The following DLG2 variants were observed in gnomAD, a reference collection of about 807,000 sequenced individuals.
DLG2 encodes the protein discs large MAGUK scaffold protein 2.
DLG2 carries 45 observed loss-of-function variants against 132.5 expected under a neutral mutation model. The observed-to-expected ratio is 0.34, with a 90% CI of 0.27 to 0.44. DLG2 has a LOEUF of 0.44. Ranked by LOEUF, DLG2 falls within the 20% of genes least tolerant of loss-of-function variation. The pLI is 1.00. For synonymous variants in DLG2, 424 were observed against 419.6 expected (o/e 1.01, Z -0.13); for missense variants, 1,045 against 1,196.9 (o/e 0.87, Z 1.87).
At chr11:84,515,444 A>G (rs1382834857) in intron 7 of DLG2, among the ~76,000 whole-genome samples, 2 of 151,796 alleles carry the variant, frequency 1.3e-5, no homozygotes, top group East Asian at 3.9e-4. Context: ...AATTACACAT[A>G]TATCAGATAA....
intron 25 of DLG2, 81 bp downstream of exon 25, chr11:83,469,120 A>T: frequency 9.5e-7 from 1 of 1,053,134 alleles, no homozygotes; most frequent in Non-Finnish European, 1.4e-6. Flanking sequence ...AAGAAAGAGT[A>T]ATGACCAAAA....
intron 4 of DLG2, among the ~76,000 whole-genome samples, chr11:85,261,827 C>T (rs539360963): frequency 3.3e-5 from 5 of 151,950 alleles, no homozygotes; most frequent in South Asian, 2.1e-4. Context: ...GATAAGGAGG[C>T]GGCCCTTAAA....
At chr11:84,446,271 A>C (rs1474429726) in intron 7 of DLG2, among the ~76,000 whole-genome samples, 1 of 151,176 alleles carries the variant, frequency 6.6e-6, no homozygotes, top group African/African-American at 2.4e-5. Flanking sequence ...TTTTATTATG[A>C]TTTTTCTTCC....
At position 84,733,995 on chromosome 11, in the gene DLG2, A is replaced by G. The variant is rs544625752; in HGVS notation, c.358-199264T>C. Among the ~76,000 whole-genome samples, 4 of 152,162 alleles carry G rather than the reference A, an allele frequency of 2.6e-5. No individual in the cohort carries two copies. The East Asian group carries it at 7.7e-4, about 29-fold the overall frequency. On this transcript the variant is annotated intron_variant, in intron 6 of 27. Coordinates refer to ENST00000376104, the MANE Select transcript of DLG2 (RefSeq NM_001142699.3). ...GGGCTCTGTTCTGTTCCATTGGCCTATATCTCTGTTTTGGTACCAGTACCA... is the reference window on the plus strand; with the variant it reads ...GGGCTCTGTTCTGTTCCATTGGCCTGTATCTCTGTTTTGGTACCAGTACCA...
intron 3 of DLG2, among the ~76,000 whole-genome samples, chr11:85,423,165 T>C (rs368466808): frequency 6.6e-6 from 1 of 152,330 alleles, no homozygotes; most frequent in South Asian, 2.1e-4. Context: ...CTTTTTCCTA[T>C]GGATGTGGCT....
At chr11:85,144,911 A>G (rs886915315) in intron 5 of DLG2, among the ~76,000 whole-genome samples, 6 of 152,048 alleles carry the variant, frequency 3.9e-5, no homozygotes, top group African/African-American at 1.4e-4. Context: ...TGCTGTTACC[A>G]GTGAGTTTTG....
At chr11:84,484,491 C>T (rs1289424400) in intron 7 of DLG2, among the ~76,000 whole-genome samples, 2 of 152,152 alleles carry the variant, frequency 1.3e-5, no homozygotes, top group Non-Finnish European at 2.9e-5. Flanking sequence ...TGAGGGTTAT[C>T]ATTTGGCTCC....
At chr11:84,079,805 CT>C (rs2154153808) in intron 10 of DLG2, among the ~76,000 whole-genome samples, 1 of 152,326 alleles carries the variant, frequency 6.6e-6, no homozygotes, top group East Asian at 1.9e-4. Flanking sequence ...CCACCTTCAC[CT>C]TGTGCCAGTC....
intron 18 of DLG2, among the ~76,000 whole-genome samples, chr11:83,708,425 C>T (rs11233722): frequency 0.33 from 50,190 of 152,020 alleles, 9,866 homozygotes; most frequent in African/African-American, 0.55. Flanking sequence ...GAGAAAGTAT[C>T]AGTAGCCCAA....
At chr11:84,484,032 A>G (rs934214549) in intron 7 of DLG2, among the ~76,000 whole-genome samples, 5 of 152,184 alleles carry the variant, frequency 3.3e-5, no homozygotes. Flanking sequence ...GAGGGACAGC[A>G]GGAGTCAGAC....
intron 5 of DLG2, among the ~76,000 whole-genome samples, chr11:85,123,589 G>T (rs746914303): frequency 1.3e-5 from 2 of 152,184 alleles, no homozygotes; most frequent in Non-Finnish European, 1.5e-5. Context: ...CAGAGTAGGA[G>T]AACTGTTTAT....
chr11:85,109,013 A>T (rs1477960888), intron 6 of DLG2, among the ~76,000 whole-genome samples: 2 of 152,038 alleles, frequency 1.3e-5, no homozygotes, highest in East Asian at 3.9e-4. Context: ...TTCAAAATTG[A>T]TGACTACCAG....
At chr11:83,544,015 G>T (rs1054423343) in intron 19 of DLG2, among the ~76,000 whole-genome samples, 1 of 152,102 alleles carries the variant, frequency 6.6e-6, no homozygotes, top group African/African-American at 2.4e-5. Context: ...TATGTGCTAG[G>T]CAGAGGCTGC....
chr11:85,360,638 A>G lies in DLG2; in HGVS notation c.41-75273T>C, dbSNP rs531565550. Among the ~76,000 whole-genome samples the G allele has an allele frequency of 5.9e-5, 9 of 152,160 alleles. No individual in the cohort carries two copies. The East Asian group carries it at 1.7e-3, about 29-fold the overall frequency. On this transcript the variant is annotated intron_variant, in intron 3 of 27. Coordinates refer to ENST00000376104, the MANE Select transcript of DLG2 (RefSeq NM_001142699.3). ...GAGTCTTATCTTTGACTTTTATCCC[A>G]CCACACAGGAGGCTCCTTCCAAATT...
chr11:84,805,818 C>G (rs940841350), intron 6 of DLG2, among the ~76,000 whole-genome samples: 2 of 152,004 alleles, frequency 1.3e-5, no homozygotes, highest in African/African-American at 2.4e-5. Context: ...AATAAATTAC[C>G]AAGTCTCAGG....
In DLG2 at chr11:83,983,590, C is replaced by T. The variant is rs76705955; in HGVS notation, c.920-2948G>A. ...GGAATTATATTTGAAATGCAATGAT[C>T]GTTAAATTAACCATAATAGTTGTTA... On this transcript the variant is annotated intron_variant, in intron 11 of 27. Coordinates refer to ENST00000376104, the MANE Select transcript of DLG2 (RefSeq NM_001142699.3). Among the ~76,000 whole-genome samples the T allele has an allele frequency of 4.9e-3, 751 of 151,956 alleles. 3 individuals are homozygous for T. Among genetic ancestry groups the T allele is most frequent in the African/African-American group, 0.018 (731 of 41,512 alleles).
At chr11:83,656,939 C>T (rs2072654484) in intron 18 of DLG2, among the ~76,000 whole-genome samples, 1 of 152,128 alleles carries the variant, frequency 6.6e-6, no homozygotes, top group Non-Finnish European at 1.5e-5. Context: ...GTTTTTCATA[C>T]TTCCAGGTCT....
chr11:84,154,229 C>A (rs956307637), intron 9 of DLG2, among the ~76,000 whole-genome samples: 1 of 152,182 alleles, frequency 6.6e-6, no homozygotes, highest in African/African-American at 2.4e-5. Context: ...AAATACTGAC[C>A]TCAAGTGATC....
At chr11:83,689,377 G>T (rs2080438909) in intron 18 of DLG2, among the ~76,000 whole-genome samples, 1 of 152,068 alleles carries the variant, frequency 6.6e-6, no homozygotes, top group African/African-American at 2.4e-5. Context: ...AAGTACATGT[G>T]ATGGAAAAAA....
Sources: gnomAD v4.1 joint callset for allele counts (sites outside exome capture counted in the v4.1 genomes callset) on GRCh38, gnomAD v4.1.1 for gene constraint, MANE v1.5 for transcripts, NCBI Gene and HGNC (gene_info 2026-07-23, HGNC 2026-07-21) for gene names.